The following MYBPHL variants were observed in gnomAD, a reference collection of about 807,000 sequenced individuals.
MYBPHL encodes the protein myosin-binding protein H-like.
Under a neutral mutation model 39.5 loss-of-function variants are expected in MYBPHL, and 32 were observed. The ratio of observed to expected loss-of-function variants is 0.81; its 90% CI spans 0.61 to 1.09. The LOEUF (loss-of-function observed/expected upper bound fraction) is 1.09. Among genes scored for constraint, MYBPHL ranks in the 50% least tolerant of loss-of-function variants. The pLI is 0.00. For missense variants in MYBPHL, 456 were observed against 460.2 expected (o/e 0.99, Z 0.08); for synonymous variants, 196 against 183.7 (o/e 1.07, Z -0.54).
chr1:109,304,465 C>G (rs1239645981), intron 1 of MYBPHL, among the ~76,000 whole-genome samples: 2 of 152,302 alleles, frequency 1.3e-5, no homozygotes, highest in East Asian at 1.9e-4. Flanking sequence ...CCTCAGGGTC[C>G]CAGGGAACGC....
In MYBPHL at chr1:109,297,105, G is replaced by A. The variant is rs772088680; in HGVS notation, c.515C>T (p.Thr172Met). Reference protein sequence around the residue: ...ATLEWTPPQDTGNTALLGYTV... With the variant: ...ATLEWTPPQDMGNTALLGYTV... ...GTATCCCAGAAGTGCTGTATTCCCC[G>A]TATCTTGGGGCGGTGTCCATTCCAG... is the stretch of plus-strand genomic sequence containing the variant. The change falls in exon 4 of 9, where the codon ACG becomes ATG. Residue 172 changes from threonine (T) to methionine (M), a missense_variant. Thr to Met is a moderately conservative substitution (Grantham distance 81). Coordinates refer to ENST00000357155, the MANE Select transcript of MYBPHL (RefSeq NM_001010985.3). The A allele has an allele frequency of 3.9e-5, 63 of 1,613,984 alleles. No individual in the cohort carries two copies. The highest frequency in any genetic ancestry group is 2.1e-4 in the African/African-American group (16 of 74,866).
intron 1 of MYBPHL, among the ~76,000 whole-genome samples, chr1:109,302,730 A>G (rs1371654350): frequency 1.3e-5 from 2 of 152,136 alleles, no homozygotes; most frequent in African/African-American, 4.8e-5. Flanking sequence ...AAGAGCTACA[A>G]TCCTTCTATG....
In MYBPHL at chr1:109,301,077, G is replaced by A. The variant is rs186760660; in HGVS notation, c.146-2820C>T. 2.6e-4 allele frequency among the ~76,000 whole-genome samples: 39 copies of A among 152,306 alleles called. 1 individual carries two copies. In the East Asian group the frequency reaches 4.6e-3, roughly 18 times the overall value. ...AATCGCCTCTCAACCCAACCCAGGC[G>A]CAATCTGACTCTTTGCTAAGAATGT... On this transcript the variant is annotated intron_variant, in intron 1 of 8. Coordinates refer to ENST00000357155, the MANE Select transcript of MYBPHL (RefSeq NM_001010985.3).
rs1377775848 is a variant in MYBPHL at position 109,298,270 on chromosome 1, AAG to A, written c.146-15_146-14del. 2.5e-6 allele frequency: 4 copies of A among 1,605,212 alleles called. No individual in the cohort carries two copies. In the Admixed American group the frequency reaches 5.1e-5, roughly 20 times the overall value. ...ATCTTGGGGTGCTCTGAGTGATGGA[AAG>A]AGAGAGAATAGGAGATGGATACTCA... is the stretch of plus-strand genomic sequence containing the variant. On this transcript the variant is annotated splice_polypyrimidine_tract_variant and intron_variant, in intron 1 of 8. Coordinates refer to ENST00000357155, the MANE Select transcript of MYBPHL (RefSeq NM_001010985.3).
chr1:109,302,106 T>C (rs1658311588), intron 1 of MYBPHL, among the ~76,000 whole-genome samples: 1 of 151,882 alleles, frequency 6.6e-6, no homozygotes, highest in Non-Finnish European at 1.5e-5. Context: ...TGAATGTGTG[T>C]ATGGGTGTGT....
chr1:109,302,394 G>C (rs757688517), intron 1 of MYBPHL, among the ~76,000 whole-genome samples: 2 of 152,122 alleles, frequency 1.3e-5, no homozygotes, highest in Non-Finnish European at 2.9e-5. Context: ...AGTGGTACAA[G>C]AGTGTCACTT....
In MYBPHL at chr1:109,296,234, C is replaced by G; in HGVS notation, c.867G>C (p.Arg289=). The change falls in exon 6 of 9, where the codon CGG becomes CGC. Residue 289 remains arginine, a splice_region_variant and synonymous_variant. Coordinates refer to ENST00000357155, the MANE Select transcript of MYBPHL (RefSeq NM_001010985.3). ...AGTGCCCCCCAGAGCCCCCACTCAC[C>G]CGGGGAGAGGCGCGGACACAGCAGA... is the stretch of plus-strand genomic sequence containing the variant. ...QLFCCVRASP[R]PKIIWLKNKM... The G allele has an allele frequency of 6.2e-7, 1 of 1,613,218 alleles. No individual in the cohort carries two copies. The highest frequency in any genetic ancestry group is 1.1e-5 in the South Asian group (1 of 91,036).
chr1:109,295,076 G>C (rs978434177), intron 7 of MYBPHL, 35 bp downstream of exon 7: 1 of 1,599,912 alleles, frequency 6.3e-7, no homozygotes, highest in African/African-American at 1.3e-5. Flanking sequence ...GAGGTGACTG[G>C]CACCCTAAGG....
chr1:109,306,860 C>T lies in MYBPHL; in HGVS notation c.132G>A (p.Leu44=). The change falls in exon 1 of 9, where the codon CTG becomes CTA. Residue 44 remains leucine, a synonymous_variant. Coordinates refer to ENST00000357155, the MANE Select transcript of MYBPHL (RefSeq NM_001010985.3). ...QGAGSPTPQL[L]PPIEEHPKIW... is the part of the protein sequence containing the mutation. ...GCCATGGGTCACCTTCTATAGGGGGCAGGAGCTGGGGAGTGGGGCTGCCAG... is the reference window on the plus strand; with the variant it reads ...GCCATGGGTCACCTTCTATAGGGGGTAGGAGCTGGGGAGTGGGGCTGCCAG... 1.3e-6 allele frequency: 2 copies of T among 1,592,960 alleles called. No homozygotes were observed. The highest frequency in any genetic ancestry group is 2.3e-5 in the East Asian group (1 of 43,454).
chr1:109,294,640 G>A (rs1242743562), intron 7 of MYBPHL, among the ~76,000 whole-genome samples: 1 of 152,224 alleles, frequency 6.6e-6, no homozygotes, highest in Non-Finnish European at 1.5e-5. Flanking sequence ...AATACTTTAA[G>A]GAAGTAGAGA....
At chr1:109,293,613 G>A (rs944960454) in intron 8 of MYBPHL, among the ~76,000 whole-genome samples, 5 of 152,030 alleles carry the variant, frequency 3.3e-5, no homozygotes, top group African/African-American at 1.2e-4. Context: ...GGTGGTGGGT[G>A]CCTGTAGTCC....
chr1:109,296,870 A>G lies in MYBPHL; in HGVS notation c.643T>C (p.Tyr215His), dbSNP rs779957053. 1.2e-6 allele frequency: 2 copies of G among 1,614,138 alleles called. No individual in the cohort carries two copies. The highest frequency in any genetic ancestry group is 3.3e-5 in the Admixed American group (2 of 60,016). ...TTTTCAGCAAAGACACGGAAGGCAT[A>G]GGAGTTGCCGATGATGAGGTCAGAG... The part of the protein sequence containing the change: ...IVSDLIIGNS[Y>H]AFRVFAENQC... Residue 215 changes from tyrosine (Y) to histidine (H), a missense_variant, in exon 5 of 9, where the codon TAT becomes CAT. Transcript: ENST00000357155.
chr1:109,296,795 T>G lies in MYBPHL; in HGVS notation c.718A>C (p.Ile240Leu). The change falls in exon 5 of 9, where the codon ATC becomes CTC. Residue 240 changes from isoleucine to leucine, a missense_variant. Coordinates refer to ENST00000357155, the MANE Select transcript of MYBPHL (RefSeq NM_001010985.3). ...ATGCCTCCCTTACCTGCTTTCTGGA[T>G]GTGGGCGAGGTCCGTAGTGATGGGG... ...TAPITTDLAH[I>L]QKAATVYKTK... is the part of the protein sequence containing the mutation. 6.2e-7 allele frequency: 1 copy of G among 1,614,136 alleles called. No individual in the cohort carries two copies. The highest frequency in any genetic ancestry group is 8.5e-7 in the Non-Finnish European group (1 of 1,180,010).
chr1:109,301,312 C>G (rs138035212), intron 1 of MYBPHL, among the ~76,000 whole-genome samples: 1 of 152,308 alleles, frequency 6.6e-6, no homozygotes, highest in Non-Finnish European at 1.5e-5. Flanking sequence ...GTTTGGTTTT[C>G]TCCCTTCATG....
At chr1:109,293,311 C>G (rs768258955) in intron 8 of MYBPHL, among the ~76,000 whole-genome samples, 16 of 152,208 alleles carry the variant, frequency 1.1e-4, no homozygotes, top group Non-Finnish European at 2.1e-4. Context: ...TGGATGCTGT[C>G]ACTCTTCTTC....
intron 1 of MYBPHL, among the ~76,000 whole-genome samples, chr1:109,304,333 C>T (rs1354174746): frequency 6.6e-6 from 1 of 152,196 alleles, no homozygotes; most frequent in African/African-American, 2.4e-5. Context: ...AGAAAGGTCA[C>T]TCCTAGGCAT....
At chr1:109,293,829 C>T (rs1039483428) in intron 8 of MYBPHL, among the ~76,000 whole-genome samples, 2 of 151,920 alleles carry the variant, frequency 1.3e-5, no homozygotes, top group African/African-American at 2.4e-5. Context: ...TTTGGGAGGC[C>T]GAGGTGAGTG....
At chr1:109,297,385 C>G in intron 3 of MYBPHL, 37 bp downstream of exon 3, 1 of 1,591,894 alleles carries the variant, frequency 6.3e-7, no homozygotes, top group Non-Finnish European at 8.6e-7. Flanking sequence ...GAGGGAGTTC[C>G]TGAGGACCCC....
chr1:109,302,631 T>C (rs1024329117), intron 1 of MYBPHL, among the ~76,000 whole-genome samples: 3 of 152,112 alleles, frequency 2.0e-5, no homozygotes, highest in Admixed American at 6.6e-5. Context: ...CCAGTCCCCG[T>C]AGGGTCTCTC....
Sources: allele counts gnomAD v4.1 joint callset (sites outside exome capture counted in the v4.1 genomes callset), GRCh38; gene constraint gnomAD v4.1.1; transcripts MANE v1.5; gene names NCBI Gene and HGNC (gene_info 2026-07-23, HGNC 2026-07-21).